SH3D19: variants seen among roughly 807,000 people sequenced by gnomAD.
SH3D19 encodes SH3 domain-containing protein 19.
Under a neutral mutation model 112.1 loss-of-function variants are expected in SH3D19, and 58 were observed. The observed-to-expected ratio is 0.52, with a 90% CI of 0.42 to 0.64. The LOEUF (loss-of-function observed/expected upper bound fraction) is 0.64, where lower values mean the gene tolerates loss of function less well. Ranked by LOEUF, SH3D19 falls within the 30% of genes least tolerant of loss-of-function variation. The pLI, the probability that SH3D19 is intolerant of heterozygous loss-of-function variation, is 0.00. For synonymous variants in SH3D19, 391 were observed against 448.5 expected, an observed-to-expected ratio of 0.87 and a Z score of 1.62; for missense variants, 1,090 against 1,263.4, an observed-to-expected ratio of 0.86 and a Z score of 2.08.
intron 3 of SH3D19, among the ~76,000 whole-genome samples, chr4:151,186,794 ATTT>A (rs1225256937): frequency 1.6e-5 from 2 of 125,822 alleles, no homozygotes; most frequent in Non-Finnish European, 1.7e-5. Flanking sequence ...TGGTTACATA[ATTT>A]TTTTTTTTTT....
chr4:151,126,737 G>A (rs1250520565), intron 19 of SH3D19, among the ~76,000 whole-genome samples: 1 of 146,842 alleles, frequency 6.8e-6, no homozygotes, highest in Admixed American at 6.8e-5. Flanking sequence ...GGTGGAGCTT[G>A]CAGTGAGCCG....
intron 7 of SH3D19, among the ~76,000 whole-genome samples, chr4:151,174,172 C>T (rs1036086753): frequency 2.0e-5 from 3 of 152,234 alleles, no homozygotes; most frequent in African/African-American, 7.2e-5. Context: ...GGCCCCTCTC[C>T]CAGCACTCCC....
chr4:151,131,720 C>A (rs1208437708), intron 17 of SH3D19, among the ~76,000 whole-genome samples: 1 of 152,136 alleles, frequency 6.6e-6, no homozygotes, highest in Non-Finnish European at 1.5e-5. Context: ...GATCCCCTGA[C>A]CTCATGATCC....
intron 1 of SH3D19, chr4:151,291,239 A>G (rs1656228034): frequency 3.7e-6 from 6 of 1,613,792 alleles, no homozygotes; most frequent in East Asian, 2.2e-5. Context: ...GTAATCTACT[A>G]CCAAAAATGG....
chr4:151,194,582 T>G (rs900801564), intron 2 of SH3D19, among the ~76,000 whole-genome samples: 11 of 151,524 alleles, frequency 7.3e-5, no homozygotes, highest in Admixed American at 6.6e-4. Context: ...GCCCAGCTAA[T>G]TTTTTGTAAA....
chr4:151,220,520 A>G (rs1222841643), intron 2 of SH3D19, among the ~76,000 whole-genome samples: 1 of 152,192 alleles, frequency 6.6e-6, no homozygotes, highest in Non-Finnish European at 1.5e-5. Flanking sequence ...TCTATTATTT[A>G]GAGCTGGTGG....
At position 151,291,319 on chromosome 4, in the gene SH3D19, T is replaced by G. The variant is rs763161574; in HGVS notation, c.112+33922A>C. The G allele has an allele frequency of 2.5e-6, 4 of 1,613,940 alleles. No individual in the cohort carries two copies. In the Admixed American group the frequency reaches 6.7e-5, roughly 27 times the overall value. ...CTTCTTGTTCCCTATTGTCCTACTC[T>G]CTCTGGCTCTCCTGCGTCCCTCCTG... On this transcript the variant is annotated intron_variant, in intron 1 of 19. Coordinates refer to ENST00000604030, the MANE Select transcript of SH3D19 (RefSeq NM_001378122.1).
At chr4:151,235,933 G>T (rs140574370) in intron 1 of SH3D19, among the ~76,000 whole-genome samples, 2 of 152,286 alleles carry the variant, frequency 1.3e-5, no homozygotes, top group African/African-American at 4.8e-5. Context: ...TCATCTCCGT[G>T]TCCAGCACCA....
intron 1 of SH3D19, among the ~76,000 whole-genome samples, chr4:151,255,738 T>C (rs893625766): frequency 2.6e-5 from 4 of 152,166 alleles, no homozygotes; most frequent in African/African-American, 4.8e-5. Flanking sequence ...CTGGGCACCA[T>C]TGAGCACTGA....
chr4:151,278,500 A>T (rs1422976263), intron 1 of SH3D19, among the ~76,000 whole-genome samples: 1 of 152,046 alleles, frequency 6.6e-6, no homozygotes, highest in East Asian at 1.9e-4. Context: ...TGTGAAAAGT[A>T]AGAAAAGTCT....
chr4:151,171,603 C>T (rs995203188), intron 7 of SH3D19, among the ~76,000 whole-genome samples: 2 of 152,158 alleles, frequency 1.3e-5, no homozygotes, highest in African/African-American at 4.8e-5. Context: ...TCCGCATGGT[C>T]TTCATTACTG....
At chr4:151,312,796 G>C (rs1403229161) in intron 1 of SH3D19, among the ~76,000 whole-genome samples, 6 of 151,866 alleles carry the variant, frequency 4.0e-5, no homozygotes, top group African/African-American at 1.2e-4. Context: ...AGCTACTGGG[G>C]AGGCTGAGGC....
rs999857110 is a variant in SH3D19, at chr4:151,156,703, T to C, written c.1755+2537A>G. On this transcript the variant is annotated intron_variant, in intron 9 of 19. Coordinates refer to ENST00000604030, the MANE Select transcript of SH3D19 (RefSeq NM_001378122.1). ...GACCTAAATCTAAGACCTGAAACAA[T>C]AAAACTACTAGAAGAAAGCAGGGAA... is the stretch of plus-strand genomic sequence containing the variant. Among the ~76,000 whole-genome samples, 3 of 152,056 alleles carry C rather than the reference T, an allele frequency of 2.0e-5. No homozygotes were observed. In the East Asian group the frequency reaches 5.8e-4, roughly 29 times the overall value.
chr4:151,323,357 T>G (rs1006634267), intron 1 of SH3D19, among the ~76,000 whole-genome samples: 1 of 152,198 alleles, frequency 6.6e-6, no homozygotes, highest in Admixed American at 6.5e-5. Context: ...AGCTTCTGCG[T>G]CAGTTCATAC....
At chr4:151,202,740 A>G (rs1000026845) in intron 2 of SH3D19, among the ~76,000 whole-genome samples, 2 of 152,192 alleles carry the variant, frequency 1.3e-5, no homozygotes, top group African/African-American at 2.4e-5. Context: ...CACAAGATAC[A>G]GTCTTTAGTA....
intron 7 of SH3D19, among the ~76,000 whole-genome samples, chr4:151,167,354 G>A (rs1758218607): frequency 6.6e-6 from 1 of 151,738 alleles, no homozygotes; most frequent in African/African-American, 2.4e-5. Context: ...TGTTGTAAAA[G>A]TGAGAAACAT....
chr4:151,165,337 C>CA (rs766791203), intron 8 of SH3D19, among the ~76,000 whole-genome samples: 7 of 149,984 alleles, frequency 4.7e-5, no homozygotes, highest in Middle Eastern at 3.4e-3. Flanking sequence ...GCGTGACTCC[C>CA]AAAAAAAAGA....
intron 1 of SH3D19, among the ~76,000 whole-genome samples, chr4:151,247,196 G>A (rs950986452): frequency 6.6e-6 from 1 of 151,932 alleles, no homozygotes; most frequent in Non-Finnish European, 1.5e-5. Flanking sequence ...TTGGTCCCTG[G>A]TCTTCTTTTA....
In SH3D19 at chr4:151,241,445, G is replaced by A. The variant is rs527814855; in HGVS notation, c.113-15359C>T. Among the ~76,000 whole-genome samples, 40 of 152,064 alleles carry A rather than the reference G, an allele frequency of 2.6e-4. 1 individual carries two copies. The highest frequency in any genetic ancestry group is 8.7e-4 in the African/African-American group (36 of 41,348). ...AATTAGTGGTTGTCTAGAGTTGAAG[G>A]AGTGAAGGCTAAAACGTTCGGGTTT... On this transcript the variant is annotated intron_variant, in intron 1 of 19. Coordinates refer to ENST00000604030, the MANE Select transcript of SH3D19 (RefSeq NM_001378122.1).
Sources: allele counts gnomAD v4.1 joint callset (sites outside exome capture counted in the v4.1 genomes callset), GRCh38; gene constraint gnomAD v4.1.1; transcripts MANE v1.5; gene names NCBI Gene and HGNC (gene_info 2026-07-23, HGNC 2026-07-21).